Variants in NOL12 observed in about 807,000 individuals in gnomAD.
NOL12 encodes the protein nucleolar protein 12.
NOL12 carries 21 observed loss-of-function variants against 25.2 expected under a neutral mutation model. The observed-to-expected ratio is 0.83, with a 90% CI of 0.59 to 1.20. The LOEUF is 1.20. Among genes scored for constraint, NOL12 ranks in the 50% most tolerant of loss-of-function variants. NOL12 has a pLI of 0.00. For missense variants in NOL12, 286 were observed against 287.6 expected, an observed-to-expected ratio of 0.99 and a Z score of 0.04; for synonymous variants, 133 against 113.8, an observed-to-expected ratio of 1.17 and a Z score of -1.08.
Position 37,688,162 on chromosome 22 carries a change from G to A in NOL12, c.189+147G>A. ...GTTTATACAGGTGGAGACTCTGTGG[G>A]CCCGGGTCTGGGAGTGATGGAAGAT... is the stretch of plus-strand genomic sequence containing the variant. On this transcript the variant is annotated intron_variant, in intron 2 of 5. Transcript: ENST00000359114. 2.8e-6 allele frequency: 3 copies of A among 1,061,850 alleles called. No homozygotes were observed. The South Asian group carries it at 4.2e-5, about 15-fold the overall frequency. 65.8% of individuals were successfully genotyped at this position (1,061,850 alleles called of 1,614,324 possible).
chr22:37,690,369 G>A (rs149357163), intron 4 of NOL12, among the ~76,000 whole-genome samples: 85 of 152,230 alleles, frequency 5.6e-4, no homozygotes, highest in East Asian at 4.3e-3. Context: ...ATCTCACACC[G>A]GTCTTTCATT....
At chr22:37,690,519 G>A (rs1253311876) in intron 4 of NOL12, among the ~76,000 whole-genome samples, 178 bp from the exon 5 acceptor site, 1 of 152,182 alleles carries the variant, frequency 6.6e-6, no homozygotes, top group African/African-American at 2.4e-5. Flanking sequence ...CTTCCCCTGT[G>A]TAATCCTTGC....
At position 37,690,851 on chromosome 22, in the gene NOL12, C is replaced by T; in HGVS notation, c.479+57C>T. On this transcript the variant is annotated intron_variant, in intron 5 of 5. Coordinates refer to ENST00000359114, the MANE Select transcript of NOL12 (RefSeq NM_024313.3). ...ACCCCTCCTGGCTGGCAGTAGTGAC[C>T]TGGCCCTTAGGGTGGTGTGGAGCAG... is the stretch of plus-strand genomic sequence containing the variant. 3.8e-6 allele frequency: 5 copies of T among 1,326,684 alleles called. No individual in the cohort carries two copies. In the Admixed American group the frequency reaches 5.3e-5, roughly 14 times the overall value. 82.2% of individuals were successfully genotyped at this position (1,326,684 alleles called of 1,614,324 possible).
chr22:37,687,226 TGTGGAAGGG>T, intron 1 of NOL12: 1 of 384,874 alleles, frequency 2.6e-6, no homozygotes, highest in Non-Finnish European at 3.6e-6. Context: ...GGTTTGTAGG[TGTGGAAGGG>T]GTTACCTCAT....
intron 3 of NOL12, 21 bp from the exon 4 acceptor site, chr22:37,688,829 G>C: frequency 6.2e-7 from 1 of 1,613,614 alleles, no homozygotes; most frequent in Admixed American, 1.7e-5. Flanking sequence ...ACTGAGACCA[G>C]GTCTGTGTCC....
rs1224154609 is a variant in NOL12 at position 37,692,423 on chromosome 22, C to T, written c.*1087C>T. On this transcript the variant is annotated 3_prime_UTR_variant, in exon 6 of 6. Transcript: ENST00000359114. ...AAAAGTAGCCCCCACCAGAGTAGAC[C>T]CTGCGGGTGCCAGCTAGAACTCCAC... 2.5e-5 allele frequency: 10 copies of T among 398,558 alleles called. No homozygotes were observed. The East Asian group carries it at 3.6e-4, about 14-fold the overall frequency. 24.7% of individuals were successfully genotyped at this position (398,558 alleles called of 1,614,324 possible).
chr22:37,691,074 G>A, intron 5 of NOL12, 100 bp from the exon 6 acceptor site: 1 of 1,389,352 alleles, frequency 7.2e-7, no homozygotes, highest in Non-Finnish European at 9.9e-7. Flanking sequence ...GAACTTGGCG[G>A]TCCTGGCATT....
At chr22:37,686,943 TGGTAGC>T (rs1240647247) in intron 1 of NOL12, 2 of 985,236 alleles carry the variant, frequency 2.0e-6, no homozygotes, top group African/African-American at 3.5e-5. Flanking sequence ...AAATGGCACA[TGGTAGC>T]GGGTCAGCGA....
rs1455214105 is a variant in NOL12, at chr22:37,692,127, CG to C, written c.*794del. The C allele has an allele frequency of 2.4e-5, 4 of 167,560 alleles. No homozygotes were observed. Among genetic ancestry groups the C allele is most frequent in the African/African-American group, 9.5e-5 (4 of 42,180 alleles). The allele number at this position is 167,560 out of a possible 1,614,324, so 10.4% of individuals were successfully genotyped here. On this transcript the variant is annotated 3_prime_UTR_variant, in exon 6 of 6. Transcript: ENST00000359114. ...ATCCCAGCACTTTGGGAGGCCCAGGCGGGCAGATCACTTAAGGTCGGGAGCT... is the reference window on the plus strand; with the variant it reads ...ATCCCAGCACTTTGGGAGGCCCAGGCGGCAGATCACTTAAGGTCGGGAGCT...
chr22:37,690,515 CT>C (rs1249943081), intron 4 of NOL12, among the ~76,000 whole-genome samples, 181 bp from the exon 5 acceptor site: 4 of 152,200 alleles, frequency 2.6e-5, no homozygotes, highest in Admixed American at 2.6e-4. Context: ...AGACCTTCCC[CT>C]GTGTAATCCT....
chr22:37,686,452 T>C lies in NOL12; in HGVS notation c.60T>C (p.Leu20=), dbSNP rs748837306. The change falls in exon 1 of 6, where the codon CTT becomes CTC. Residue 20 remains leucine (L), a synonymous_variant. Coordinates refer to ENST00000359114, the MANE Select transcript of NOL12 (RefSeq NM_024313.3). The part of the protein sequence containing the change: ...DGDDRRPRLV[L]SFDEEKRREY... Reference sequence around the variant, plus strand: ...ACGACCGGCGGCCGAGGCTCGTTCTTAGCTTCGACGAGGAGAAGAGGCGGT... The same window carrying C: ...ACGACCGGCGGCCGAGGCTCGTTCTCAGCTTCGACGAGGAGAAGAGGCGGT... 2 of 1,604,166 alleles carry C rather than the reference T, an allele frequency of 1.2e-6. No individual in the cohort carries two copies.
chr22:37,691,010 C>G, intron 5 of NOL12, 164 bp from the exon 6 acceptor site: 1 of 838,692 alleles, frequency 1.2e-6, no homozygotes, highest in Non-Finnish European at 1.9e-6. Context: ...GCCTGTGTCT[C>G]TGAGCTGAGT....
Position 37,687,210 on chromosome 22 carries a change from T to C in NOL12, c.84-700T>C, listed in dbSNP as rs185624530. 35 of 500,378 alleles carry C rather than the reference T, an allele frequency of 7.0e-5. No individual in the cohort carries two copies. In the African/African-American group the frequency reaches 7.1e-4, roughly 10 times the overall value. The allele number at this position is 500,378 out of a possible 1,614,324, so 31.0% of individuals were successfully genotyped here. A position where few individuals can be genotyped will look rare whatever the true frequency, so the allele number is the denominator to read the frequency against. Reference sequence around the variant, plus strand: ...GGCCCTGAAAACCCTGTTGAGAGAGTAATGAGGTTTGTAGGTGTGGAAGGG... The same window carrying C: ...GGCCCTGAAAACCCTGTTGAGAGAGCAATGAGGTTTGTAGGTGTGGAAGGG... On this transcript the variant is annotated intron_variant, in intron 1 of 5. Coordinates refer to ENST00000359114, the MANE Select transcript of NOL12 (RefSeq NM_024313.3).
chr22:37,687,136 G>C, intron 1 of NOL12: 1 of 974,042 alleles, frequency 1.0e-6, no homozygotes, highest in Non-Finnish European at 1.2e-6. Context: ...GTGTCCTGGG[G>C]ACATGGGTGT....
chr22:37,687,804 G>T, intron 1 of NOL12, 106 bp from the exon 2 acceptor site: 1 of 763,008 alleles, frequency 1.3e-6, no homozygotes, highest in Admixed American at 2.5e-5. Context: ...TTTTTGGAAT[G>T]GTGCCTAGCA....
rs1191174630 is a variant in NOL12 at position 37,691,345 on chromosome 22, A to C, written c.*9A>C. On this transcript the variant is annotated 3_prime_UTR_variant, in exon 6 of 6. Coordinates refer to ENST00000359114, the MANE Select transcript of NOL12 (RefSeq NM_024313.3). The stretch of plus-strand genomic sequence containing the variant: ...GGCACAGCGGGGAGTGAGACCGAGA[A>C]CGAAGCGGTGCCCCAGTCTAGGCTG... 1 of 1,599,584 alleles carries C rather than the reference A, an allele frequency of 6.3e-7. No individual in the cohort carries two copies. Among genetic ancestry groups the C allele is most frequent in the Non-Finnish European group, 8.5e-7 (1 of 1,171,340 alleles).
intron 2 of NOL12, 133 bp from the exon 3 acceptor site, chr22:37,688,179 A>G (rs1292398127): frequency 8.9e-7 from 1 of 1,119,606 alleles, no homozygotes; most frequent in Non-Finnish European, 1.3e-6. Context: ...TCTGGGAGTG[A>G]TGGAAGATGG....
At position 37,686,398 on chromosome 22, in the gene NOL12, C is replaced by T; in HGVS notation, c.6C>T (p.Gly2=). The change falls in exon 1 of 6, where the codon GGC becomes GGT. Residue 2 remains glycine (G), a synonymous_variant. Coordinates refer to ENST00000359114, the MANE Select transcript of NOL12 (RefSeq NM_024313.3). ...AAGCCGGCGGCCTCACTGCTATGGGCCGCAACAAGAAGAAGAAGCGAGATG... is the reference window on the plus strand; with the variant it reads ...AAGCCGGCGGCCTCACTGCTATGGGTCGCAACAAGAAGAAGAAGCGAGATG... M[G]RNKKKKRDGD... is the part of the protein sequence containing the mutation. 4 of 1,603,254 alleles carry T rather than the reference C, an allele frequency of 2.5e-6. No individual in the cohort carries two copies. Among genetic ancestry groups the T allele is most frequent in the Non-Finnish European group, 3.4e-6 (4 of 1,176,232 alleles).
At position 37,692,688 on chromosome 22, in the gene NOL12, C is replaced by T. The variant is rs536470284; in HGVS notation, c.*1352C>T. On this transcript the variant is annotated 3_prime_UTR_variant, in exon 6 of 6. Transcript: ENST00000359114. ...AGGACAGTGCGGTGAGGGGCATCTG[C>T]GACAGGACTGCGGGCTCTACCCGCC... is the stretch of plus-strand genomic sequence containing the variant. 4 of 398,954 alleles carry T rather than the reference C, an allele frequency of 1.0e-5. No individual in the cohort carries two copies. The South Asian group carries it at 5.1e-4, about 51-fold the overall frequency. The allele number at this position is 398,954 out of a possible 1,614,324, so 24.7% of individuals were successfully genotyped here. A position where few individuals can be genotyped will look rare whatever the true frequency, so the allele number is the denominator to read the frequency against.
Sources: allele counts gnomAD v4.1 joint callset (sites outside exome capture counted in the v4.1 genomes callset), GRCh38; gene constraint gnomAD v4.1.1; transcripts MANE v1.5; gene names NCBI Gene and HGNC (gene_info 2026-07-23, HGNC 2026-07-21).